DMD: variants seen among roughly 807,000 people sequenced by gnomAD.
DMD encodes dystrophin.
A neutral mutation model predicts 330.1 loss-of-function variants in DMD; 63 were observed. The ratio of observed to expected loss-of-function variants is 0.19; its 90% CI spans 0.16 to 0.24. The LOEUF (loss-of-function observed/expected upper bound fraction) is 0.24, where lower values mean the gene tolerates loss of function less well. Ranked by LOEUF, DMD falls within the 10% of genes least tolerant of loss-of-function variation. DMD has a pLI of 1.00. For synonymous variants in DMD, 1,223 were observed against 959.8 expected, an observed-to-expected ratio of 1.27 and a Z score of -5.07; for missense variants, 3,344 against 2,684.1, an observed-to-expected ratio of 1.25 and a Z score of -5.43.
chrX:33,209,131 C>T (rs2051749228), intron 1 of DMD, among the ~76,000 whole-genome samples: 1 of 111,026 alleles, frequency 9.0e-6, no homozygotes, highest in South Asian at 3.7e-4. Context: ...CACCTTTTTC[C>T]CCTTAAATAA....
intron 44 of DMD, among the ~76,000 whole-genome samples, chrX:32,154,332 C>T (rs1347963325): frequency 1.8e-5 from 2 of 112,175 alleles, no homozygotes; most frequent in Non-Finnish European, 3.8e-5. Flanking sequence ...GAAAACCTCA[C>T]TTAATAACTT....
At chrX:33,033,296 G>A (rs1467412991) in intron 1 of DMD, among the ~76,000 whole-genome samples, 3 of 109,573 alleles carry the variant, frequency 2.7e-5, no homozygotes, top group Non-Finnish European at 5.7e-5. Flanking sequence ...TCTGTACTAA[G>A]ATCGGTGACA....
chrX:32,107,459 G>C (rs991271350), intron 44 of DMD, among the ~76,000 whole-genome samples: 5 of 108,129 alleles, frequency 4.6e-5, no homozygotes, highest in Non-Finnish European at 7.6e-5. Context: ...AAGGTATACA[G>C]GGTGAACAAG....
At chrX:32,774,724 G>C (rs1246846522) in intron 7 of DMD, among the ~76,000 whole-genome samples, 1 of 110,794 alleles carries the variant, frequency 9.0e-6, no homozygotes, top group African/African-American at 3.3e-5. Flanking sequence ...TTGACACGTG[G>C]GGATTACAAT....
At chrX:31,673,715 G>A (rs2081937356) in intron 53 of DMD, among the ~76,000 whole-genome samples, 1 of 112,209 alleles carries the variant, frequency 8.9e-6, no homozygotes, top group East Asian at 2.8e-4. Flanking sequence ...CACGGGATAA[G>A]TTAAATTGTG....
chrX:32,079,806 T>C (rs1013155508), intron 44 of DMD, among the ~76,000 whole-genome samples: 1 of 111,900 alleles, frequency 8.9e-6, no homozygotes, highest in Non-Finnish European at 1.9e-5. Flanking sequence ...GTAATATCCA[T>C]GTCGATACAA....
At chrX:32,924,706 C>A (rs2088802699) in intron 2 of DMD, among the ~76,000 whole-genome samples, 1 of 111,059 alleles carries the variant, frequency 9.0e-6, no homozygotes, top group African/African-American at 3.3e-5. Context: ...AGAAAATATT[C>A]TTTAGAAACA....
At chrX:31,894,912 TA>T (rs753095352) in intron 47 of DMD, among the ~76,000 whole-genome samples, 6,957 of 110,625 alleles carry the variant, frequency 0.063, 180 homozygotes, top group African/African-American at 0.09. Context: ...AGCATGAATT[TA>T]AAAAAAAATT....
chrX:32,809,367 A>ATATATCT (rs1269286381), intron 7 of DMD, 126 bp downstream of exon 7: 39 of 563,353 alleles, frequency 6.9e-5, no homozygotes, highest in Non-Finnish European at 1.1e-4. Context: ...AACATTTTAA[A>ATATATCT]TATATCTACA....
At chrX:31,379,711 A>C (rs2060061219) in intron 60 of DMD, among the ~76,000 whole-genome samples, 1 of 111,761 alleles carries the variant, frequency 8.9e-6, no homozygotes, top group Non-Finnish European at 1.9e-5. Context: ...GCACAGAAGA[A>C]CTCCAAATGC....
intron 64 of DMD, among the ~76,000 whole-genome samples, chrX:31,215,763 C>G (rs2045344905): frequency 8.9e-6 from 1 of 112,088 alleles, no homozygotes; most frequent in Non-Finnish European, 1.9e-5. Flanking sequence ...GCTATTTGCC[C>G]CATTACTCCG....
chrX:32,143,517 G>A (rs1034356467), intron 44 of DMD, among the ~76,000 whole-genome samples: 2 of 109,215 alleles, frequency 1.8e-5, no homozygotes, highest in Non-Finnish European at 3.8e-5. Context: ...AGGGTCTCTC[G>A]CTGTAGTTAA....
chrX:32,858,279 G>C (rs183400114), intron 2 of DMD, among the ~76,000 whole-genome samples: 39 of 112,102 alleles, frequency 3.5e-4, no homozygotes, highest in African/African-American at 1.2e-3. Flanking sequence ...AAAATTCCTA[G>C]AGATTTTGCC....
At chrX:32,590,274 A>G (rs1440694413) in intron 13 of DMD, among the ~76,000 whole-genome samples, 1 of 112,401 alleles carries the variant, frequency 8.9e-6, no homozygotes, top group Non-Finnish European at 1.9e-5. Flanking sequence ...GAGAAACCAT[A>G]CCAGTGAGCA....
chrX:31,155,409 A>G (rs1024793695), intron 74 of DMD, among the ~76,000 whole-genome samples: 1 of 112,548 alleles, frequency 8.9e-6, no homozygotes, highest in Non-Finnish European at 1.9e-5. Context: ...ACTGTATACC[A>G]AAGCATGAGC....
intron 65 of DMD, among the ~76,000 whole-genome samples, chrX:31,208,695 A>C (rs1019878313): frequency 8.9e-6 from 1 of 112,088 alleles, no homozygotes; most frequent in Admixed American, 9.4e-5. Context: ...GTTGTTTTGC[A>C]ACTCTTTTCA....
chrX:32,846,758 G>A lies in DMD; in HGVS notation c.187-1898C>T, dbSNP rs867379506. On this transcript the variant is annotated intron_variant, in intron 3 of 78. Coordinates refer to ENST00000357033, the MANE Select transcript of DMD (RefSeq NM_004006.3). ...AAAAAAAAAAAAAAAGCAACAGCCA[G>A]ACATTTGGGGAGGCTGAGGCAGGTG... 2.0e-3 allele frequency among the ~76,000 whole-genome samples: 187 copies of A among 91,884 alleles called. 1 individual carries two copies. Among genetic ancestry groups the A allele is most frequent in the African/African-American group, 7.4e-3 (180 of 24,183 alleles). The allele number at this position is 91,884 out of a possible 115,157, so 79.8% of individuals were successfully genotyped here.
At chrX:31,539,676 A>G (rs1422072837) in intron 55 of DMD, among the ~76,000 whole-genome samples, 4 of 112,227 alleles carry the variant, frequency 3.6e-5, no homozygotes, top group African/African-American at 1.3e-4. Flanking sequence ...TGTCAGAGGA[A>G]CAACGAAGAG....
At chrX:32,033,212 T>TGC (rs781519306) in intron 44 of DMD, among the ~76,000 whole-genome samples, 123 of 111,275 alleles carry the variant, frequency 1.1e-3, no homozygotes, top group African/African-American at 3.8e-3. Context: ...GACTGGTGGT[T>TGC]GCCAGGGGCT....
Sources: allele counts gnomAD v4.1 joint callset (sites outside exome capture counted in the v4.1 genomes callset), GRCh38; gene constraint gnomAD v4.1.1; transcripts MANE v1.5; gene names NCBI Gene and HGNC (gene_info 2026-07-23, HGNC 2026-07-21).